The following DAB1 variants were observed in gnomAD, a reference collection of about 807,000 sequenced individuals.
DAB1 encodes disabled homolog 1.
Under a neutral mutation model 64.6 loss-of-function variants are expected in DAB1, and 15 were observed. The observed-to-expected ratio is 0.23, with a 90% CI of 0.16 to 0.36. DAB1 has a LOEUF of 0.36. Ranked by LOEUF, DAB1 falls within the 10% of genes least tolerant of loss-of-function variation. The probability of loss-of-function intolerance (pLI) is 1.00; values close to 1 mark genes in which losing one functional copy is unlikely to be tolerated. For missense variants in DAB1, 596 were observed against 706.7 expected, an observed-to-expected ratio of 0.84 and a Z score of 1.78; for synonymous variants, 235 against 251.9, an observed-to-expected ratio of 0.93 and a Z score of 0.64.
intron 1 of DAB1, among the ~76,000 whole-genome samples, chr1:57,850,452 G>GTTT (rs5774375): frequency 6.8e-6 from 1 of 147,060 alleles, no homozygotes; most frequent in Admixed American, 6.7e-5. Context: ...AGATAATGTA[G>GTTT]TTTTTTTTTT....
At chr1:57,631,669 G>T (rs1321538743) in intron 7 of DAB1, among the ~76,000 whole-genome samples, 2 of 152,074 alleles carry the variant, frequency 1.3e-5, no homozygotes, top group African/African-American at 2.4e-5. Context: ...CATAAATTTT[G>T]TGTACTTTCA....
chr1:58,385,393 C>A (rs553721312), intron 3 of DAB1, among the ~76,000 whole-genome samples: 2 of 152,300 alleles, frequency 1.3e-5, no homozygotes, highest in Admixed American at 1.3e-4. Context: ...CCCCTGCTGA[C>A]CAGGTTTCAT....
At chr1:58,144,761 C>A (rs975161406) in intron 5 of DAB1, among the ~76,000 whole-genome samples, 2 of 152,172 alleles carry the variant, frequency 1.3e-5, no homozygotes, top group Admixed American at 6.5e-5. Flanking sequence ...AGCAGCAGAG[C>A]CTGAATGAGA....
chr1:57,882,640 T>C (rs1644162544), intron 1 of DAB1, among the ~76,000 whole-genome samples: 1 of 152,072 alleles, frequency 6.6e-6, no homozygotes, highest in Non-Finnish European at 1.5e-5. Flanking sequence ...GTGAAAACAC[T>C]CCTACTTAAG....
intron 6 of DAB1, among the ~76,000 whole-genome samples, chr1:57,786,201 T>A (rs1406625568): frequency 6.6e-6 from 1 of 152,168 alleles, no homozygotes; most frequent in African/African-American, 2.4e-5. Flanking sequence ...TGGACTACAG[T>A]ATAGTATAAA....
intron 6 of DAB1, among the ~76,000 whole-genome samples, chr1:57,701,683 T>TA (rs1266902414): frequency 2.6e-4 from 39 of 151,344 alleles, no homozygotes; most frequent in Non-Finnish European, 4.9e-4. Flanking sequence ...CCCTAAAACT[T>TA]AAAGTATAAT....
intron 1 of DAB1, among the ~76,000 whole-genome samples, chr1:57,339,023 T>C (rs1504594): frequency 0.51 from 77,717 of 152,036 alleles, 20,614 homozygotes; most frequent in Non-Finnish European, 0.56. Context: ...AGATCGGATG[T>C]GAGAAGGTGT....
chr1:58,195,262 G>C (rs922793677), intron 4 of DAB1, among the ~76,000 whole-genome samples: 3 of 152,160 alleles, frequency 2.0e-5, no homozygotes, highest in Non-Finnish European at 2.9e-5. Context: ...TGAATGCAAC[G>C]AGAGATACTT....
intron 1 of DAB1, among the ~76,000 whole-genome samples, chr1:57,370,734 C>T (rs1486828249): frequency 6.6e-6 from 1 of 151,950 alleles, no homozygotes; most frequent in Non-Finnish European, 1.5e-5. Context: ...TTATTTTTAA[C>T]TGAAGTGCCT....
At chr1:58,453,233 T>C (rs559388483) in intron 3 of DAB1, among the ~76,000 whole-genome samples, 5 of 151,740 alleles carry the variant, frequency 3.3e-5, no homozygotes, top group African/African-American at 4.8e-5. Flanking sequence ...TGGGGGAGTG[T>C]GAAGCACTCA....
rs1196575690 is a variant in DAB1 at position 57,011,200 on chromosome 1, T to A, written c.1517A>T (p.Asp506Val). The A allele has an allele frequency of 6.2e-7, 1 of 1,613,994 alleles. No homozygotes were observed. Among genetic ancestry groups the A allele is most frequent in the South Asian group, 1.1e-5 (1 of 91,090 alleles). ...SASHASDPTT[D>V]DIFEEGFESP... ...TTCAAAGCCCTCTTCAAAGATGTCA[T>A]CTGTGGTAGGATCACTGGCATGGGA... is the stretch of plus-strand genomic sequence containing the variant. The change falls in exon 13 of 15, where the codon GAT (aspartate) becomes GTT (valine). Residue 506 changes from aspartate (D) to valine (V), a missense_variant. Asp to Val is a radical substitution (Grantham distance 152, BLOSUM62 -3). Transcript: ENST00000371236.
intron 4 of DAB1, among the ~76,000 whole-genome samples, chr1:58,173,139 C>T (rs1286715180): frequency 6.6e-6 from 1 of 152,242 alleles, no homozygotes; most frequent in Non-Finnish European, 1.5e-5. Flanking sequence ...TGGTATGGAA[C>T]AACCCTCTCC....
chr1:58,407,302 T>G (rs959843793), intron 3 of DAB1, among the ~76,000 whole-genome samples: 22 of 152,166 alleles, frequency 1.4e-4, no homozygotes, highest in African/African-American at 4.1e-4. Flanking sequence ...TTCCACCCCT[T>G]TTCTATCTCT....
chr1:58,252,226 A>G (rs1660818977), intron 4 of DAB1, among the ~76,000 whole-genome samples: 1 of 152,212 alleles, frequency 6.6e-6, no homozygotes, highest in Admixed American at 6.5e-5. Context: ...GTCCAGGACC[A>G]GGCAGGGGTT....
At chr1:57,820,487 T>G (rs1191721445) in intron 6 of DAB1, among the ~76,000 whole-genome samples, 1 of 152,208 alleles carries the variant, frequency 6.6e-6, no homozygotes, top group African/African-American at 2.4e-5. Flanking sequence ...TTTTACATCA[T>G]AGCTATTTCG....
intron 5 of DAB1, among the ~76,000 whole-genome samples, chr1:58,081,179 T>G (rs544317551): frequency 6.6e-6 from 1 of 152,298 alleles, no homozygotes; most frequent in East Asian, 1.9e-4. Flanking sequence ...TGGACACTTA[T>G]GAGGTTTGTA....
At chr1:57,148,865 G>C (rs934360995) in intron 2 of DAB1, among the ~76,000 whole-genome samples, 1 of 152,280 alleles carries the variant, frequency 6.6e-6, no homozygotes, top group East Asian at 1.9e-4. Flanking sequence ...CTCACATACT[G>C]TACAATTCAC....
At chr1:58,310,203 C>A (rs1662395787) in intron 4 of DAB1, among the ~76,000 whole-genome samples, 1 of 152,090 alleles carries the variant, frequency 6.6e-6, no homozygotes, top group Non-Finnish European at 1.5e-5. Context: ...ATCCTCTGAC[C>A]TTGAGGAAAG....
At chr1:57,526,503 G>A (rs550245061) in intron 7 of DAB1, among the ~76,000 whole-genome samples, 21 of 152,058 alleles carry the variant, frequency 1.4e-4, no homozygotes, top group African/African-American at 4.6e-4. Flanking sequence ...AATTTATTTC[G>A]ATGTAATTTC....
Sources: allele counts gnomAD v4.1 joint callset (sites outside exome capture counted in the v4.1 genomes callset), GRCh38; gene constraint gnomAD v4.1.1; transcripts MANE v1.5; gene names NCBI Gene and HGNC (gene_info 2026-07-23, HGNC 2026-07-21).